ZMAT4: variants seen among roughly 807,000 people sequenced by gnomAD.
The protein encoded by ZMAT4 is zinc finger matrin-type 4.
ZMAT4 carries 17 observed loss-of-function variants against 28.7 expected under a neutral mutation model. The ratio of observed to expected loss-of-function variants is 0.59; its 90% confidence interval spans 0.41 to 0.89. ZMAT4 has a LOEUF of 0.89. Among genes scored for constraint, ZMAT4 ranks in the 40% least tolerant of loss-of-function variants. ZMAT4 has a pLI of 0.00. For synonymous variants in ZMAT4, 117 were observed against 109.2 expected (o/e 1.07, Z -0.44); for missense variants, 240 against 283.8 (o/e 0.85, Z 1.11).
chr8:40,557,992 G>A (rs1803601882), intron 6 of ZMAT4, among the ~76,000 whole-genome samples: 1 of 152,178 alleles, frequency 6.6e-6, no homozygotes, highest in Admixed American at 6.5e-5. Context: ...AGCTGAGCTT[G>A]GGTTGACAAG....
intron 5 of ZMAT4, among the ~76,000 whole-genome samples, chr8:40,614,687 G>T (rs927145269): frequency 6.6e-6 from 1 of 152,116 alleles, no homozygotes; most frequent in African/African-American, 2.4e-5. Context: ...TAATGGCCTT[G>T]TTTGTCTCTT....
At chr8:40,789,379 T>C (rs1477679447) in intron 2 of ZMAT4, among the ~76,000 whole-genome samples, 1 of 152,164 alleles carries the variant, frequency 6.6e-6, no homozygotes, top group African/African-American at 2.4e-5. Context: ...TACTGGGAAG[T>C]TCTAGCCAGC....
intron 1 of ZMAT4, among the ~76,000 whole-genome samples, chr8:40,870,815 T>C (rs1262504697): frequency 6.6e-6 from 1 of 152,160 alleles, no homozygotes; most frequent in African/African-American, 2.4e-5. Flanking sequence ...AAGGCAGAAA[T>C]GGGTCTGCAT....
chr8:40,721,510 G>C lies in ZMAT4; in HGVS notation c.193-24109C>G, dbSNP rs1352782776. Among the ~76,000 whole-genome samples the C allele has an allele frequency of 3.5e-5, 5 of 142,172 alleles. 1 individual carries two copies. The Admixed American group carries it at 3.6e-4, about 10-fold the overall frequency. 93.3% of individuals were successfully genotyped at this position (142,172 alleles called of 152,430 possible). On this transcript the variant is annotated intron_variant, in intron 3 of 6. Coordinates refer to ENST00000297737, the MANE Select transcript of ZMAT4 (RefSeq NM_024645.3). ...TATATACCCAGTAATGGGATGGCTG[G>C]GTCAAATGGTATTTCTAGTTCTAGA...
chr8:40,767,766 A>G (rs1211520122), intron 2 of ZMAT4, 36 bp from the exon 3 acceptor site: 2 of 1,572,808 alleles, frequency 1.3e-6, no homozygotes, highest in Non-Finnish European at 1.7e-6. Flanking sequence ...ACTGTAAAAG[A>G]TAAGCCATTT....
At chr8:40,585,531 T>C (rs1804639659) in intron 5 of ZMAT4, among the ~76,000 whole-genome samples, 1 of 152,118 alleles carries the variant, frequency 6.6e-6, no homozygotes, top group Non-Finnish European at 1.5e-5. Flanking sequence ...AATACTCCCA[T>C]AAAAATCATA....
intron 1 of ZMAT4, among the ~76,000 whole-genome samples, chr8:40,859,267 C>T (rs1449477284): frequency 1.3e-5 from 2 of 152,224 alleles, no homozygotes; most frequent in Non-Finnish European, 2.9e-5. Flanking sequence ...TGCAGGAATG[C>T]TGTCCCCACC....
intron 5 of ZMAT4, among the ~76,000 whole-genome samples, chr8:40,671,230 A>T (rs1349237434): frequency 6.6e-6 from 1 of 152,174 alleles, no homozygotes. Context: ...GGCTTTTTGA[A>T]GTGCAAAGTA....
intron 3 of ZMAT4, among the ~76,000 whole-genome samples, chr8:40,754,170 CAA>C (rs879662050): frequency 4.3e-5 from 5 of 116,978 alleles, no homozygotes; most frequent in Non-Finnish European, 1.8e-5. Context: ...GACTCCATCT[CAA>C]AAAAAAAAAA....
At chr8:40,567,821 A>T (rs1342632837) in intron 6 of ZMAT4, among the ~76,000 whole-genome samples, 7 of 152,216 alleles carry the variant, frequency 4.6e-5, no homozygotes, top group African/African-American at 1.7e-4. Context: ...ATGCATAGAC[A>T]TCATTTGTTT....
rs78446804 is a variant in ZMAT4 at position 40,632,271 on chromosome 8, A to G, written c.577+42433T>C. 1.7e-3 allele frequency among the ~76,000 whole-genome samples: 256 copies of G among 152,356 alleles called. 1 individual carries two copies. The East Asian group carries it at 0.035, about 21-fold the overall frequency. On this transcript the variant is annotated intron_variant, in intron 5 of 6. Transcript: ENST00000297737. ...AACTTTTTCAGGAGCAAAGGGCAAG[A>G]AAATGTTTTTAAAAAGGGGAATAAT...
chr8:40,616,746 G>A (rs1806022175), intron 5 of ZMAT4, among the ~76,000 whole-genome samples: 1 of 152,036 alleles, frequency 6.6e-6, no homozygotes, highest in African/African-American at 2.4e-5. Flanking sequence ...TGGGTTGGGG[G>A]GAGGGAGGAG....
chr8:40,881,836 A>G (rs1304770854), intron 1 of ZMAT4, among the ~76,000 whole-genome samples: 1 of 152,084 alleles, frequency 6.6e-6, no homozygotes, highest in East Asian at 1.9e-4. Flanking sequence ...TTCCCAAGAC[A>G]ATGTAGTGTT....
intron 5 of ZMAT4, among the ~76,000 whole-genome samples, chr8:40,646,493 A>G (rs1315812095): frequency 1.3e-5 from 2 of 152,086 alleles, no homozygotes; most frequent in Non-Finnish European, 2.9e-5. Flanking sequence ...ATTAATATTT[A>G]ATCAACTTTA....
intron 6 of ZMAT4, among the ~76,000 whole-genome samples, chr8:40,543,961 G>A (rs1387311304): frequency 6.6e-6 from 1 of 152,136 alleles, no homozygotes; most frequent in African/African-American, 2.4e-5. Context: ...GACATGTCAA[G>A]CTGGGTGTTG....
chr8:40,815,906 A>G (rs1815514559), intron 2 of ZMAT4, among the ~76,000 whole-genome samples: 1 of 152,186 alleles, frequency 6.6e-6, no homozygotes. Flanking sequence ...CAGCTCCCAA[A>G]CACTCGGTTT....
rs1280837199 is a variant in ZMAT4, at chr8:40,581,170, C to G, written c.669G>C (p.Gln223His). ...YHAHLKGSKH[Q>H]TNLKNK ...GAAAGCACAAAAGTACCTACTTGGT[C>G]TGGTGTTTAGATCCTTTCAGATGGG... The change falls in exon 6 of 7, where the codon CAG becomes CAC. Residue 223 changes from glutamine to histidine, a missense_variant. Gln to His is a conservative substitution (Grantham distance 24). Coordinates refer to ENST00000297737, the MANE Select transcript of ZMAT4 (RefSeq NM_024645.3). 3 of 1,612,176 alleles carry G rather than the reference C, an allele frequency of 1.9e-6. No individual in the cohort carries two copies. Among genetic ancestry groups the G allele is most frequent in the Non-Finnish European group, 2.5e-6 (3 of 1,178,854 alleles).
chr8:40,728,082 T>G (rs1323362325), intron 3 of ZMAT4, among the ~76,000 whole-genome samples: 1 of 152,132 alleles, frequency 6.6e-6, no homozygotes, highest in Admixed American at 6.5e-5. Flanking sequence ...CCTGGAGAGT[T>G]AAGAGCTGCC....
At chr8:40,558,958 C>T (rs1260153111) in intron 6 of ZMAT4, among the ~76,000 whole-genome samples, 2 of 152,170 alleles carry the variant, frequency 1.3e-5, no homozygotes, top group Non-Finnish European at 2.9e-5. Flanking sequence ...ATAAACAGGA[C>T]CTAAGGCCAT....
Sources: allele counts gnomAD v4.1 joint callset (sites outside exome capture counted in the v4.1 genomes callset), GRCh38; gene constraint gnomAD v4.1.1; transcripts MANE v1.5; gene names NCBI Gene and HGNC (gene_info 2026-07-23, HGNC 2026-07-21).